Variants in GPR37 observed in about 807,000 individuals in gnomAD.
GPR37 encodes prosaposin receptor GPR37.
GPR37 carries 20 observed loss-of-function variants against 43.6 expected under a neutral mutation model. The ratio of observed to expected loss-of-function variants is 0.46; its 90% CI spans 0.32 to 0.67. The LOEUF is 0.67. Ranked by LOEUF, GPR37 falls within the 30% of genes least tolerant of loss-of-function variation. The probability of loss-of-function intolerance (pLI) is 0.03; values close to 1 mark genes in which losing one functional copy is unlikely to be tolerated. For synonymous variants in GPR37, 315 were observed against 322.6 expected (o/e 0.98, Z 0.25); for missense variants, 724 against 797.2 (o/e 0.91, Z 1.11).
At chr7:124,760,376 C>A (rs1793837823) in intron 1 of GPR37, among the ~76,000 whole-genome samples, 2 of 152,110 alleles carry the variant, frequency 1.3e-5, no homozygotes, top group Non-Finnish European at 2.9e-5. Flanking sequence ...CTTCACCAAT[C>A]TAACATACTT....
At position 124,764,922 on chromosome 7, in the gene GPR37, G is replaced by C; in HGVS notation, c.55C>G (p.Leu19Val). Reference protein sequence around the residue: ...ARMSRLLLLLLLKVSASSALG... With the variant: ...ARMSRLLLLLVLKVSASSALG... ...GCAGAAGAGGCAGACACCTTGAGCA[G>C]TAGCAGAAGCAGTAGCCGCGACATG... Residue 19 changes from leucine (L) to valine (V), a missense_variant, in exon 1 of 2, where the codon CTG (leucine) becomes GTG (valine). Physicochemically the swap from Leu to Val is conservative, Grantham distance 32 (BLOSUM62 1). Coordinates refer to ENST00000303921, the MANE Select transcript of GPR37 (RefSeq NM_005302.5). The surrounding 1 kb of genome is among the most constrained non-coding windows in gnomAD (Gnocchi z 5.4). 1 of 1,568,324 alleles carries C rather than the reference G, an allele frequency of 6.4e-7. No homozygotes were observed.
At chr7:124,762,042 G>T (rs918811354) in intron 1 of GPR37, among the ~76,000 whole-genome samples, 1 of 152,038 alleles carries the variant, frequency 6.6e-6, no homozygotes, top group Non-Finnish European at 1.5e-5. Context: ...GAAAGTAAAA[G>T]ATTTTACTAA....
At chr7:124,756,285 A>G (rs1349551580) in intron 1 of GPR37, among the ~76,000 whole-genome samples, 2 of 152,212 alleles carry the variant, frequency 1.3e-5, no homozygotes, top group African/African-American at 4.8e-5. Flanking sequence ...CACAGACCTA[A>G]TAAGAATGTC....
chr7:124,754,993 C>G (rs1793776076), intron 1 of GPR37, among the ~76,000 whole-genome samples: 1 of 150,712 alleles, frequency 6.6e-6, no homozygotes, highest in African/African-American at 2.4e-5. Flanking sequence ...TCAGACTGCT[C>G]TGAATAAGAT....
At chr7:124,758,722 C>T (rs1001802986) in intron 1 of GPR37, among the ~76,000 whole-genome samples, 1 of 152,210 alleles carries the variant, frequency 6.6e-6, no homozygotes, top group African/African-American at 2.4e-5. Flanking sequence ...AGATTCTAGA[C>T]TTGTCACAAA....
chr7:124,754,595 T>A (rs2116317927), intron 1 of GPR37, among the ~76,000 whole-genome samples: 1 of 152,276 alleles, frequency 6.6e-6, no homozygotes, highest in Admixed American at 6.5e-5. Flanking sequence ...CACTGGTTTT[T>A]ATAAAATAGG....
At position 124,754,604 on chromosome 7, in the gene GPR37, G is replaced by C. The variant is rs140149002; in HGVS notation, c.1024-7261C>G. Among the ~76,000 whole-genome samples, 250 of 152,132 alleles carry C rather than the reference G, an allele frequency of 1.6e-3. 2 individuals are homozygous for C. Among genetic ancestry groups the C allele is most frequent in the African/African-American group, 5.7e-3 (236 of 41,516 alleles). ...AGAATACACTGGTTTTTATAAAATA[G>C]GAAAATTTCTAACCAAGTTCTTGTT... On this transcript the variant is annotated intron_variant, in intron 1 of 1. Transcript: ENST00000303921.
intron 1 of GPR37, among the ~76,000 whole-genome samples, chr7:124,749,997 G>A (rs7792880): frequency 0.13 from 19,901 of 151,964 alleles, 1,840 homozygotes; most frequent in African/African-American, 0.26. Flanking sequence ...TTTGTTTTGC[G>A]TCTATGCTAG....
chr7:124,764,768 C>T lies in GPR37; in HGVS notation c.209G>A (p.Arg70Gln), dbSNP rs1218241050. Residue 70 changes from arginine to glutamine, a missense_variant, in exon 1 of 2, where the codon CGA (arginine) becomes CAA (glutamine). By Grantham distance (43) the Arg-to-Gln change is conservative (BLOSUM62 1). Coordinates refer to ENST00000303921, the MANE Select transcript of GPR37 (RefSeq NM_005302.5). The surrounding 1 kb of genome is among the most constrained non-coding windows in gnomAD (Gnocchi z 5.4). ...TGCCCCCTGCTCCTCCCTGGGTGCT[C>T]GGGCTCGCAGAACGTCTCTTGCAGA... Reference protein sequence around the residue: ...GNSARDVLRARAPREEQGAAF... With the variant: ...GNSARDVLRAQAPREEQGAAF... 2 of 1,612,864 alleles carry T rather than the reference C, an allele frequency of 1.2e-6. No homozygotes were observed. The highest frequency in any genetic ancestry group is 1.7e-6 in the Non-Finnish European group (2 of 1,179,948).
At position 124,764,969 on chromosome 7, in the gene GPR37, G is replaced by A. The variant is rs1267667018; in HGVS notation, c.8C>T (p.Ala3Val). Residue 3 changes from alanine (A) to valine (V), a missense_variant, in exon 1 of 2, where the codon GCC becomes GTC. By Grantham distance (64) the Ala-to-Val change is moderately conservative (BLOSUM62 0). Transcript: ENST00000303921. The surrounding 1 kb of genome is among the most constrained non-coding windows in gnomAD (Gnocchi z 5.4). ...CATGCGGGCGAGAAGCGCGCCCGGG[G>A]CTCGCATGGCTTGGTGAGGGCACAC... MR[A>V]PGALLARMSR... 1.2e-5 allele frequency: 18 copies of A among 1,479,682 alleles called. No individual in the cohort carries two copies. The highest frequency in any genetic ancestry group is 1.6e-5 in the Non-Finnish European group (18 of 1,118,888). The allele number at this position is 1,479,682 out of a possible 1,614,324, so 91.7% of individuals were successfully genotyped here.
At chr7:124,755,260 C>A (rs1165996106) in intron 1 of GPR37, among the ~76,000 whole-genome samples, 1 of 152,006 alleles carries the variant, frequency 6.6e-6, no homozygotes, top group Admixed American at 6.6e-5. Context: ...TAATAAATAA[C>A]CATTTATTTC....
intron 1 of GPR37, among the ~76,000 whole-genome samples, chr7:124,759,187 C>T (rs1270968590): frequency 6.6e-6 from 1 of 152,036 alleles, no homozygotes; most frequent in Non-Finnish European, 1.5e-5. Flanking sequence ...CTACCCCAGC[C>T]TCCTGAATGG....
intron 1 of GPR37, among the ~76,000 whole-genome samples, chr7:124,747,634 A>C (rs1376737690): frequency 6.6e-6 from 1 of 152,134 alleles, no homozygotes; most frequent in Non-Finnish European, 1.5e-5. Context: ...ATCCCTTTTT[A>C]TTATAGATCA....
At chr7:124,753,388 C>A (rs972103633) in intron 1 of GPR37, among the ~76,000 whole-genome samples, 9 of 152,164 alleles carry the variant, frequency 5.9e-5, no homozygotes, top group Non-Finnish European at 1.3e-4. Context: ...TTTCAAGTGA[C>A]ATTCCAGATG....
chr7:124,745,134 A>C lies in GPR37; in HGVS notation c.*1391T>G, dbSNP rs1246209900. The C allele has an allele frequency of 2.0e-5, 3 of 152,226 alleles. No individual in the cohort carries two copies. The allele number at this position is 152,226 out of a possible 1,614,324, so 9.4% of individuals were successfully genotyped here. ...AATGATTTTTAAATAACATCATGTT[A>C]TAATTTGGAAAAAGGAATACTGACT... On this transcript the variant is annotated 3_prime_UTR_variant, in exon 2 of 2. Transcript: ENST00000303921.
chr7:124,745,366 C>T lies in GPR37; in HGVS notation c.*1159G>A, dbSNP rs1304896708. ...TGTCCCACACAGCAAGCATCCTACA[C>T]AACTGCTGCATTTTAAACTCCAGAA... On this transcript the variant is annotated 3_prime_UTR_variant, in exon 2 of 2. Coordinates refer to ENST00000303921, the MANE Select transcript of GPR37 (RefSeq NM_005302.5). 6.6e-6 allele frequency among the ~76,000 whole-genome samples: 1 copy of T among 152,148 alleles called. No individual in the cohort carries two copies. Among genetic ancestry groups the T allele is most frequent in the Non-Finnish European group, 1.5e-5 (1 of 68,016 alleles).
chr7:124,761,348 C>T (rs1793848923), intron 1 of GPR37, among the ~76,000 whole-genome samples: 2 of 152,126 alleles, frequency 1.3e-5, no homozygotes, highest in African/African-American at 4.8e-5. Flanking sequence ...AGGTTATACC[C>T]CATCCTGGGA....
rs752083748 is a variant in GPR37 at position 124,765,203 on chromosome 7, A to C, written c.-227T>G. ...TCTTGTGCATTTCTCAGCCAAGTTG[A>C]GTCCCAGCAAGGTATGCCCTCCAAG... is the stretch of plus-strand genomic sequence containing the variant. On this transcript the variant is annotated 5_prime_UTR_variant, in exon 1 of 2. Transcript: ENST00000303921. 6.6e-6 allele frequency: 3 copies of C among 455,626 alleles called. No individual in the cohort carries two copies. Among genetic ancestry groups the C allele is most frequent in the Non-Finnish European group, 1.1e-5 (3 of 261,936 alleles). The allele number at this position is 455,626 out of a possible 1,614,324, so 28.2% of individuals were successfully genotyped here.
chr7:124,755,102 GGA>G (rs1584725186), intron 1 of GPR37, among the ~76,000 whole-genome samples: 2 of 152,194 alleles, frequency 1.3e-5, no homozygotes, highest in Admixed American at 6.5e-5. Flanking sequence ...AAGCAGAGAA[GGA>G]GAGACTTTCC....
Sources: gnomAD v4.1 joint callset for allele counts (sites outside exome capture counted in the v4.1 genomes callset) on GRCh38, gnomAD v4.1.1 for gene constraint, Gnocchi (gnomAD v3.1) non-coding constraint, MANE v1.5 for transcripts, NCBI Gene and HGNC (gene_info 2026-07-23, HGNC 2026-07-21) for gene names.